Variants in KCNMB2 observed in about 807,000 individuals in gnomAD.
KCNMB2 encodes the protein potassium calcium-activated channel subfamily M regulatory beta subunit 2.
Under a neutral mutation model 24.5 loss-of-function variants are expected in KCNMB2, and 9 were observed. The observed-to-expected ratio is 0.37, with a 90% CI of 0.22 to 0.64. The LOEUF is 0.64. Ranked by LOEUF, KCNMB2 falls within the 30% of genes least tolerant of loss-of-function variation. KCNMB2 has a pLI of 0.63. For synonymous variants in KCNMB2, 109 were observed against 104.4 expected, an observed-to-expected ratio of 1.04 and a Z score of -0.27; for missense variants, 226 against 284.3, an observed-to-expected ratio of 0.79 and a Z score of 1.47.
chr3:178,575,286 G>C (rs1243492880), intron 1 of KCNMB2, among the ~76,000 whole-genome samples: 1 of 152,152 alleles, frequency 6.6e-6, no homozygotes, highest in African/African-American at 2.4e-5. Flanking sequence ...ATAGAGAGCA[G>C]GGTGAGTTGG....
In KCNMB2 at chr3:178,758,523, GATGT is replaced by G. The variant is rs200785020; in HGVS notation, c.-67-48817_-67-48814del. ...ATATATATATATATCTCCAAGAGGA[GATGT>G]ATATATATATATATATATATATATC... On this transcript the variant is annotated intron_variant, in intron 1 of 4. Transcript: ENST00000452583. 7.8e-3 allele frequency among the ~76,000 whole-genome samples: 152 copies of G among 19,594 alleles called. 25 individuals are homozygous for G. Among genetic ancestry groups the G allele is most frequent in the African/African-American group, 0.04 (142 of 3,546 alleles). The allele number at this position is 19,594 out of a possible 152,430, so 12.9% of individuals were successfully genotyped here.
intron 1 of KCNMB2, among the ~76,000 whole-genome samples, chr3:178,785,843 C>T (rs898400516): frequency 1.3e-5 from 2 of 152,066 alleles, no homozygotes; most frequent in African/African-American, 4.8e-5. Context: ...AAATAAACAG[C>T]TCTGTGTAAA....
At chr3:178,704,900 T>A (rs1027065350) in intron 1 of KCNMB2, among the ~76,000 whole-genome samples, 5 of 152,162 alleles carry the variant, frequency 3.3e-5, no homozygotes, top group African/African-American at 1.2e-4. Context: ...TCCTGACTCC[T>A]ATAAGATGAA....
At chr3:178,672,672 G>C (rs1720943362) in intron 1 of KCNMB2, among the ~76,000 whole-genome samples, 1 of 152,136 alleles carries the variant, frequency 6.6e-6, no homozygotes, top group Non-Finnish European at 1.5e-5. Flanking sequence ...ATGTGCCCAT[G>C]AACATTTGAT....
intron 1 of KCNMB2, among the ~76,000 whole-genome samples, chr3:178,570,010 G>A (rs1276737194): frequency 2.0e-5 from 3 of 152,170 alleles, no homozygotes; most frequent in East Asian, 1.9e-4. Context: ...CTCCTGGCAC[G>A]GAGCAAGATT....
At chr3:178,625,408 C>T (rs1233023983) in intron 1 of KCNMB2, among the ~76,000 whole-genome samples, 1 of 152,220 alleles carries the variant, frequency 6.6e-6, no homozygotes, top group East Asian at 1.9e-4. Context: ...GGAGCTCCGG[C>T]CCGCCCCTAG....
chr3:178,748,302 G>A (rs764332952), intron 1 of KCNMB2: 18 of 152,142 alleles, frequency 1.2e-4, no homozygotes, highest in Non-Finnish European at 1.9e-4. Context: ...TAATAAATTT[G>A]TTCTAATAAA....
At chr3:178,742,305 G>A (rs1000307661) in intron 1 of KCNMB2, among the ~76,000 whole-genome samples, 10 of 152,116 alleles carry the variant, frequency 6.6e-5, no homozygotes, top group Admixed American at 4.6e-4. Flanking sequence ...TTGTTTAAAC[G>A]TGTTCTACAC....
chr3:178,680,400 CT>C (rs1201871942), intron 1 of KCNMB2, among the ~76,000 whole-genome samples: 1 of 152,302 alleles, frequency 6.6e-6, no homozygotes, highest in East Asian at 1.9e-4. Context: ...TATCTGGAGG[CT>C]GGTTGTCACT....
intron 1 of KCNMB2, among the ~76,000 whole-genome samples, chr3:178,763,316 A>G (rs541749380): frequency 8.5e-5 from 13 of 152,336 alleles, no homozygotes; most frequent in African/African-American, 2.9e-4. Flanking sequence ...GCTGCTGTAC[A>G]GGAGCAGAAA....
intron 1 of KCNMB2, among the ~76,000 whole-genome samples, chr3:178,609,491 G>A (rs1029039592): frequency 5.9e-5 from 9 of 151,736 alleles, no homozygotes; most frequent in Non-Finnish European, 8.8e-5. Context: ...GATGTGATCC[G>A]ATTTGTCCAT....
At chr3:178,759,645 ATATATAT>A (rs1421314767) in intron 1 of KCNMB2, among the ~76,000 whole-genome samples, 5 of 114,692 alleles carry the variant, frequency 4.4e-5, no homozygotes, top group African/African-American at 1.6e-4. Flanking sequence ...GGATATATAT[ATATATAT>A]CTCCAAGAGG....
chr3:178,646,906 T>G (rs1364569034), intron 1 of KCNMB2, among the ~76,000 whole-genome samples: 1 of 152,232 alleles, frequency 6.6e-6, no homozygotes, highest in Non-Finnish European at 1.5e-5. Flanking sequence ...AGCCACATAA[T>G]TGATCTCTTG....
chr3:178,806,357 G>T (rs2108451294), intron 1 of KCNMB2, among the ~76,000 whole-genome samples: 1 of 152,160 alleles, frequency 6.6e-6, no homozygotes, highest in East Asian at 1.9e-4. Flanking sequence ...ATACGTATGT[G>T]CATAAATAAT....
At chr3:178,562,571 T>C (rs557943080) in intron 1 of KCNMB2, among the ~76,000 whole-genome samples, 2 of 152,252 alleles carry the variant, frequency 1.3e-5, no homozygotes, top group Non-Finnish European at 2.9e-5. Context: ...CAATAAACTA[T>C]ACACTCTTCA....
chr3:178,831,784 C>T (rs773768027), intron 4 of KCNMB2, among the ~76,000 whole-genome samples: 4 of 152,052 alleles, frequency 2.6e-5, no homozygotes, highest in Admixed American at 6.6e-5. Flanking sequence ...GAATTTAAAA[C>T]TACATAGGGT....
chr3:178,825,396 G>A (rs964591342), intron 2 of KCNMB2, among the ~76,000 whole-genome samples, 192 bp from the exon 3 acceptor site: 31 of 152,118 alleles, frequency 2.0e-4, no homozygotes, highest in South Asian at 2.1e-4. Context: ...ACATACAAGC[G>A]TGCATGTGCT....
At chr3:178,637,194 A>C (rs1416733291) in intron 1 of KCNMB2, among the ~76,000 whole-genome samples, 1 of 152,094 alleles carries the variant, frequency 6.6e-6, no homozygotes, top group Non-Finnish European at 1.5e-5. Flanking sequence ...TAACAGAATG[A>C]TTTCTGTTCC....
chr3:178,595,294 G>A (rs999814592), intron 1 of KCNMB2, among the ~76,000 whole-genome samples: 3 of 152,010 alleles, frequency 2.0e-5, no homozygotes, highest in Non-Finnish European at 2.9e-5. Flanking sequence ...GAGAAACTAA[G>A]GCTCAGGAGG....
Sources: allele counts gnomAD v4.1 joint callset (sites outside exome capture counted in the v4.1 genomes callset), GRCh38; gene constraint gnomAD v4.1.1; transcripts MANE v1.5; gene names NCBI Gene and HGNC (gene_info 2026-07-23, HGNC 2026-07-21).